The following MYCBP2 variants were observed in gnomAD, a reference collection of about 807,000 sequenced individuals.
MYCBP2 encodes the protein MYC binding protein 2.
A neutral mutation model predicts 525.3 loss-of-function variants in MYCBP2; 120 were observed. The ratio of observed to expected loss-of-function variants is 0.23; its 90% confidence interval spans 0.20 to 0.27. The LOEUF (loss-of-function observed/expected upper bound fraction) is 0.27, where lower values mean the gene tolerates loss of function less well. Among genes scored for constraint, MYCBP2 ranks in the 10% least tolerant of loss-of-function variants. The pLI, the probability that MYCBP2 is intolerant of heterozygous loss-of-function variation, is 1.00. For missense variants in MYCBP2, 4,149 were observed against 5,657.1 expected, an observed-to-expected ratio of 0.73 and a Z score of 8.55; for synonymous variants, 1,894 against 1,955.8, an observed-to-expected ratio of 0.97 and a Z score of 0.83.
intron 21 of MYCBP2, among the ~76,000 whole-genome samples, chr13:77,217,529 GAAAT>G (rs1230643967): frequency 6.6e-6 from 1 of 152,274 alleles, no homozygotes; most frequent in South Asian, 2.1e-4. Flanking sequence ...AGTTAGATGA[GAAAT>G]AACCTTTCCT....
chr13:77,139,565 G>C (rs1350885858), intron 51 of MYCBP2, among the ~76,000 whole-genome samples: 1 of 152,068 alleles, frequency 6.6e-6, no homozygotes, highest in East Asian at 1.9e-4. Flanking sequence ...TTTCACTTAG[G>C]AATAAAAACA....
At chr13:77,299,744 A>G (rs1477791624) in intron 1 of MYCBP2, among the ~76,000 whole-genome samples, 1 of 152,232 alleles carries the variant, frequency 6.6e-6, no homozygotes, top group Non-Finnish European at 1.5e-5. Flanking sequence ...TCGAAGCTTA[A>G]TGAAGAATGT....
chr13:77,212,358 T>G (rs1386039432), intron 21 of MYCBP2, among the ~76,000 whole-genome samples, 198 bp from the exon 22 acceptor site: 1 of 152,168 alleles, frequency 6.6e-6, no homozygotes, highest in East Asian at 1.9e-4. Context: ...TTTCTATTAT[T>G]CCTGGAAAGT....
At chr13:77,198,497 C>T (rs973477596) in intron 26 of MYCBP2, among the ~76,000 whole-genome samples, 2 of 152,112 alleles carry the variant, frequency 1.3e-5, no homozygotes, top group African/African-American at 2.4e-5. Flanking sequence ...GACATTTAAT[C>T]GAGATTTTTT....
chr13:77,089,441 T>C (rs1271848265), intron 60 of MYCBP2, among the ~76,000 whole-genome samples: 1 of 152,118 alleles, frequency 6.6e-6, no homozygotes, highest in African/African-American at 2.4e-5. Context: ...CAATCTTCAA[T>C]AATGTTTTTC....
intron 44 of MYCBP2, among the ~76,000 whole-genome samples, chr13:77,160,606 A>G (rs1040854220): frequency 2.0e-5 from 3 of 152,210 alleles, no homozygotes; most frequent in Non-Finnish European, 2.9e-5. Flanking sequence ...GTAAGATGCA[A>G]GACCTAATAC....
At chr13:77,176,694 GA>G (rs2059741664) in intron 35 of MYCBP2, 66 bp from the exon 36 acceptor site, 1 of 1,177,890 alleles carries the variant, frequency 8.5e-7, no homozygotes. Context: ...GAACAATTTT[GA>G]TTTATAATTA....
At position 77,214,884 on chromosome 13, in the gene MYCBP2, G is replaced by A. The variant is rs186640129; in HGVS notation, c.3058-2724C>T. 2.0e-4 allele frequency among the ~76,000 whole-genome samples: 31 copies of A among 152,192 alleles called. No homozygotes were observed. In the East Asian group the frequency reaches 5.4e-3, roughly 26 times the overall value. On this transcript the variant is annotated intron_variant, in intron 21 of 82. Coordinates refer to ENST00000544440, the MANE Select transcript of MYCBP2 (RefSeq NM_015057.5). The stretch of plus-strand genomic sequence containing the variant: ...ATCTTATGGGAACACCTTAGCATAC[G>A]CAGTCCATCACTGACCAAAATACTG...
intron 1 of MYCBP2, among the ~76,000 whole-genome samples, chr13:77,310,747 T>TAC (rs1295887909): frequency 6.7e-6 from 1 of 149,624 alleles, no homozygotes; most frequent in Non-Finnish European, 1.5e-5. Context: ...CCAAGCAGGA[T>TAC]ACACACACAC....
intron 55 of MYCBP2, among the ~76,000 whole-genome samples, chr13:77,109,409 G>A (rs578043388): frequency 1.3e-5 from 2 of 152,184 alleles, no homozygotes; most frequent in Non-Finnish European, 2.9e-5. Context: ...AGACAGTAAT[G>A]CTCTCCTCCT....
chr13:77,130,281 A>G (rs1328304767), intron 52 of MYCBP2, among the ~76,000 whole-genome samples: 2 of 151,726 alleles, frequency 1.3e-5, no homozygotes, highest in East Asian at 3.9e-4. Flanking sequence ...CTTATCAATT[A>G]TAAGTCATTT....
chr13:77,227,021 C>A (rs1405689049), intron 18 of MYCBP2, among the ~76,000 whole-genome samples: 1 of 152,084 alleles, frequency 6.6e-6, no homozygotes. Flanking sequence ...GTACCATAAA[C>A]ATAAAAGTCC....
At chr13:77,296,809 C>G (rs2078238902) in intron 1 of MYCBP2, 135 bp from the exon 2 acceptor site, 1 of 671,814 alleles carries the variant, frequency 1.5e-6, no homozygotes, top group Non-Finnish European at 2.3e-6. Flanking sequence ...AAACAATATA[C>G]TTTACATACA....
chr13:77,055,536 CTCAGTA>C lies in MYCBP2; in HGVS notation c.13647+16_13647+21del. ...AGGTAAGCTCTAGTTTTTAAAACTTCTCAGTATAATTTATAGCATACCTTTCTGCAT... is the reference window on the plus strand; with the variant it reads ...AGGTAAGCTCTAGTTTTTAAAACTTCTAATTTATAGCATACCTTTCTGCAT... On this transcript the variant is annotated intron_variant, in intron 80 of 82. Coordinates refer to ENST00000544440, the MANE Select transcript of MYCBP2 (RefSeq NM_015057.5). 1.3e-6 allele frequency: 2 copies of C among 1,595,968 alleles called. No individual in the cohort carries two copies. Among genetic ancestry groups the C allele is most frequent in the African/African-American group, 2.7e-5 (2 of 74,450 alleles).
rs757862171 is a variant in MYCBP2 at position 77,176,665 on chromosome 13, A to G, written c.5341-37T>C. On this transcript the variant is annotated intron_variant, in intron 35 of 82. Transcript: ENST00000544440. ...AAATGAAACACAAAAATTCCAACAG[A>G]CTCTTAATTTTATTGTATGAACAAT... 29 of 1,441,764 alleles carry G rather than the reference A, an allele frequency of 2.0e-5. No homozygotes were observed. In the African/African-American group the frequency reaches 3.9e-4, roughly 19 times the overall value. The allele number at this position is 1,441,764 out of a possible 1,614,324, so 89.3% of individuals were successfully genotyped here.
In MYCBP2 at chr13:77,326,921, C is replaced by T. The variant is rs1042463910; in HGVS notation, c.-146G>A. 6.6e-5 allele frequency: 43 copies of T among 652,226 alleles called. No homozygotes were observed. The highest frequency in any genetic ancestry group is 9.5e-5 in the Non-Finnish European group (42 of 443,178). 40.4% of individuals were successfully genotyped at this position (652,226 alleles called of 1,614,324 possible). A position where few individuals can be genotyped will look rare whatever the true frequency, so the allele number is the denominator to read the frequency against. On this transcript the variant is annotated 5_prime_UTR_variant, in exon 1 of 83. Coordinates refer to ENST00000544440, the MANE Select transcript of MYCBP2 (RefSeq NM_015057.5). The surrounding 1 kb of genome is among the most constrained non-coding windows in gnomAD (Gnocchi z 4.2). ...GCAGGGAGACTACAAAGACAGCGACCTCCTTCTCCTCCTCCTTCTTCTCCT... is the reference window on the plus strand; with the variant it reads ...GCAGGGAGACTACAAAGACAGCGACTTCCTTCTCCTCCTCCTTCTTCTCCT...
At position 77,270,443 on chromosome 13, in the gene MYCBP2, T is replaced by C; in HGVS notation, c.1041A>G (p.Lys347=). 2 of 1,613,844 alleles carry C rather than the reference T, an allele frequency of 1.2e-6. No homozygotes were observed. The highest frequency in any genetic ancestry group is 2.2e-5 in the East Asian group (1 of 44,792). ...ATGGCCACTTGTGCATTAAAGCTGC[T>C]TTCTTAATGCCATTACTAAACCAGT... ...IQDWFSNGIK[K]AALMHKWPLK... Residue 347 remains lysine (K), a synonymous_variant, in exon 6 of 83, where the codon AAA becomes AAG. Coordinates refer to ENST00000544440, the MANE Select transcript of MYCBP2 (RefSeq NM_015057.5).
At chr13:77,057,191 G>C (rs2038270571) in intron 78 of MYCBP2, 98 bp from the exon 79 acceptor site, 1 of 789,790 alleles carries the variant, frequency 1.3e-6, no homozygotes, top group African/African-American at 1.7e-5. Flanking sequence ...CTTAAAGCAG[G>C]TAAGAGAAAA....
chr13:77,294,105 T>TATATATATATAC (rs1555465458), intron 2 of MYCBP2, among the ~76,000 whole-genome samples: 181 of 7,904 alleles, frequency 0.023, 6 homozygotes, highest in African/African-American at 0.04. Context: ...ATATAATGGC[T>TATATATATATAC]ATATATATAT....
Sources: gnomAD v4.1 joint callset for allele counts (sites outside exome capture counted in the v4.1 genomes callset) on GRCh38, gnomAD v4.1.1 for gene constraint, Gnocchi (gnomAD v3.1) non-coding constraint, MANE v1.5 for transcripts, NCBI Gene and HGNC (gene_info 2026-07-23, HGNC 2026-07-21) for gene names.